NRXN1: variants seen among roughly 807,000 people sequenced by gnomAD.
NRXN1 encodes neurexin 1.
Under a neutral mutation model 150.9 loss-of-function variants are expected in NRXN1, and 39 were observed. The observed-to-expected ratio is 0.26, with a 90% CI of 0.20 to 0.34. The LOEUF is 0.34. Ranked by LOEUF, NRXN1 falls within the 10% of genes least tolerant of loss-of-function variation. The pLI, the probability that NRXN1 is intolerant of heterozygous loss-of-function variation, is 1.00. For synonymous variants in NRXN1, 924 were observed against 757.0 expected (o/e 1.22, Z -3.62); for missense variants, 1,815 against 1,949.9 (o/e 0.93, Z 1.30).
chr2:50,861,587 C>G (rs1676139614), intron 5 of NRXN1, among the ~76,000 whole-genome samples: 2 of 152,012 alleles, frequency 1.3e-5, no homozygotes, highest in African/African-American at 4.8e-5. Context: ...TCTTCATAAC[C>G]AGAGGAGCGT....
chr2:50,715,313 C>A (rs1445319857), intron 5 of NRXN1, among the ~76,000 whole-genome samples: 1 of 152,068 alleles, frequency 6.6e-6, no homozygotes, highest in African/African-American at 2.4e-5. Flanking sequence ...TCCCTGGATC[C>A]ACATCTGTAT....
intron 8 of NRXN1, among the ~76,000 whole-genome samples, chr2:50,601,149 G>A (rs1559001111): frequency 6.6e-6 from 1 of 151,492 alleles, no homozygotes; most frequent in East Asian, 1.9e-4. Flanking sequence ...TTAACTACAG[G>A]GTTTATTTCC....
intron 5 of NRXN1, among the ~76,000 whole-genome samples, chr2:50,817,748 A>T (rs574976695): frequency 1.3e-5 from 2 of 152,200 alleles, no homozygotes; most frequent in East Asian, 3.9e-4. Context: ...TAGAATAAAG[A>T]GTGATCATCT....
chr2:51,027,552 G>A lies in NRXN1; in HGVS notation c.722C>T (p.Ala241Val). The change falls in exon 2 of 23, where the codon GCC becomes GTC. Residue 241 changes from alanine to valine, a missense_variant. Coordinates refer to ENST00000401669, the MANE Select transcript of NRXN1 (RefSeq NM_001330078.2). ...GGVCSVVDDQ[A>V]VCDCSRTGFR... Reference sequence around the variant, plus strand: ...GCCGGTTCGCGAGCAGTCGCACACGGCCTGGTCGTCCACCACGGAGCACAC... The same window carrying A: ...GCCGGTTCGCGAGCAGTCGCACACGACCTGGTCGTCCACCACGGAGCACAC... 6.3e-7 allele frequency: 1 copy of A among 1,592,586 alleles called. No homozygotes were observed. The highest frequency in any genetic ancestry group is 8.6e-7 in the Non-Finnish European group (1 of 1,165,712).
Position 49,919,008 on chromosome 2 carries a change from C to G in NRXN1, c.*2936G>C, listed in dbSNP as rs143499165. 6.6e-5 allele frequency: 10 copies of G among 152,188 alleles called. No homozygotes were observed. The highest frequency in any genetic ancestry group is 2.2e-4 in the African/African-American group (9 of 41,558). 9.4% of individuals were successfully genotyped at this position (152,188 alleles called of 1,614,324 possible). A position where few individuals can be genotyped will look rare whatever the true frequency, so the allele number is the denominator to read the frequency against. On this transcript the variant is annotated 3_prime_UTR_variant, in exon 23 of 23. Coordinates refer to ENST00000401669, the MANE Select transcript of NRXN1 (RefSeq NM_001330078.2). The stretch of plus-strand genomic sequence containing the variant: ...CTTTGATACCCAATCACACAAAGCA[C>G]TAGAAGGGTAGGGTTATGTGGCCTT...
At chr2:50,861,281 T>C (rs1406945925) in intron 5 of NRXN1, among the ~76,000 whole-genome samples, 2 of 152,036 alleles carry the variant, frequency 1.3e-5, no homozygotes, top group East Asian at 3.9e-4. Context: ...GAGATGACCA[T>C]AGCTCACTGT....
chr2:50,788,144 T>C (rs796919935), intron 5 of NRXN1, among the ~76,000 whole-genome samples: 1 of 151,624 alleles, frequency 6.6e-6, no homozygotes, highest in African/African-American at 2.4e-5. Context: ...TGGAGTGTAG[T>C]GGCGCGATCT....
At chr2:50,071,391 CAG>C (rs1421037867) in intron 19 of NRXN1, among the ~76,000 whole-genome samples, 1 of 152,122 alleles carries the variant, frequency 6.6e-6, no homozygotes, top group East Asian at 1.9e-4. Flanking sequence ...TTTCTGGAAA[CAG>C]AGACTTTAAG....
At chr2:50,123,894 C>A (rs986943954) in intron 18 of NRXN1, among the ~76,000 whole-genome samples, 2 of 151,822 alleles carry the variant, frequency 1.3e-5, no homozygotes, top group South Asian at 4.1e-4. Context: ...TGTTGACAAC[C>A]AAAATTTGTA....
Position 50,466,502 on chromosome 2 carries a change from TA to T in NRXN1, c.3245-942del, listed in dbSNP as rs375018522. The T allele has an allele frequency of 8.5e-3, 3,162 of 373,402 alleles. 4 individuals are homozygous for T. The highest frequency in any genetic ancestry group is 0.013 in the Admixed American group (425 of 33,758). 23.1% of individuals were successfully genotyped at this position (373,402 alleles called of 1,614,324 possible). On this transcript the variant is annotated intron_variant, in intron 16 of 22. Transcript: ENST00000401669. ...CATCAATGCAACTTTGTCAGCAAAA[TA>T]AAAAAAAAAGCAAAATATATTAAAT...
Position 50,346,050 on chromosome 2 carries a change from C to G in NRXN1, c.3365-109080G>C, listed in dbSNP as rs1423052293. On this transcript the variant is annotated intron_variant, in intron 17 of 22. Transcript: ENST00000401669. This position sits in a 1 kb window ranked among gnomAD's most constrained non-coding sequence, Gnocchi z 5.0. ...ATGGTGTCCAGAGGTCCCCTCCATG[C>G]CTGCGAAGGGCTGGCCCGCATTAAA... Among the ~76,000 whole-genome samples the G allele has an allele frequency of 1.3e-5, 2 of 152,222 alleles. No individual in the cohort carries two copies. Among genetic ancestry groups the G allele is most frequent in the Non-Finnish European group, 2.9e-5 (2 of 68,042 alleles).
At chr2:50,273,803 A>G (rs951026409) in intron 17 of NRXN1, among the ~76,000 whole-genome samples, 1 of 152,184 alleles carries the variant, frequency 6.6e-6, no homozygotes, top group Non-Finnish European at 1.5e-5. Context: ...TATTAGAGAA[A>G]TGCAAATCAA....
chr2:50,670,594 C>G (rs1688705112), intron 5 of NRXN1, among the ~76,000 whole-genome samples: 2 of 151,860 alleles, frequency 1.3e-5, no homozygotes, highest in Non-Finnish European at 2.9e-5. Flanking sequence ...AAATTACAGA[C>G]TTTATGTGGA....
chr2:50,401,209 C>G (rs1174093811), intron 17 of NRXN1, among the ~76,000 whole-genome samples: 1 of 152,130 alleles, frequency 6.6e-6, no homozygotes, highest in Non-Finnish European at 1.5e-5. Context: ...AAGATGCTTA[C>G]ATTAATTTTT....
chr2:50,299,802 C>A (rs2152953519), intron 17 of NRXN1, among the ~76,000 whole-genome samples: 1 of 152,234 alleles, frequency 6.6e-6, no homozygotes, highest in African/African-American at 2.4e-5. Flanking sequence ...TTAAATAAAA[C>A]CTATTTCCTT....
At chr2:49,985,475 C>G (rs1680749102) in intron 21 of NRXN1, among the ~76,000 whole-genome samples, 1 of 152,114 alleles carries the variant, frequency 6.6e-6, no homozygotes, top group African/African-American at 2.4e-5. Context: ...TTTTATTTTG[C>G]AATGCACTAG....
chr2:50,695,841 A>ATTTTTT (rs5831150), intron 5 of NRXN1, among the ~76,000 whole-genome samples: 1 of 127,318 alleles, frequency 7.9e-6, no homozygotes. Flanking sequence ...AGTGACTCTG[A>ATTTTTT]TTTTTTTTTT....
chr2:50,329,991 A>G (rs1011011806), intron 17 of NRXN1, among the ~76,000 whole-genome samples: 8 of 151,932 alleles, frequency 5.3e-5, no homozygotes, highest in African/African-American at 1.9e-4. Flanking sequence ...AAAATTTTTA[A>G]TGGAAAAAAA....
At chr2:50,528,729 T>G in intron 11 of NRXN1, 78 bp from the exon 12 acceptor site, 1 of 873,440 alleles carries the variant, frequency 1.1e-6, no homozygotes, top group Non-Finnish European at 1.8e-6. Context: ...AAAATTACAG[T>G]CCACCCTTCC....
Sources: gnomAD v4.1 joint callset for allele counts (sites outside exome capture counted in the v4.1 genomes callset) on GRCh38, gnomAD v4.1.1 for gene constraint, Gnocchi (gnomAD v3.1) non-coding constraint, MANE v1.5 for transcripts, NCBI Gene and HGNC (gene_info 2026-07-23, HGNC 2026-07-21) for gene names.